MDFIC: variants seen among roughly 807,000 people sequenced by gnomAD.
The protein encoded by MDFIC is MyoD family inhibitor domain containing.
In MDFIC, 17 loss-of-function variants were observed where a neutral mutation model predicts 23.2. The ratio of observed to expected loss-of-function variants is 0.73; its 90% CI spans 0.50 to 1.10. The LOEUF (loss-of-function observed/expected upper bound fraction) is 1.10, where lower values mean the gene tolerates loss of function less well. Ranked by LOEUF, MDFIC falls within the 50% of genes least tolerant of loss-of-function variation. The pLI is 0.00. For synonymous variants in MDFIC, 120 were observed against 115.2 expected (o/e 1.04, Z -0.27); for missense variants, 356 against 316.6 (o/e 1.12, Z -0.95).
chr7:115,009,596 T>A (rs1228946946), intron 4 of MDFIC, among the ~76,000 whole-genome samples: 1 of 152,164 alleles, frequency 6.6e-6, no homozygotes, highest in Non-Finnish European at 1.5e-5. Flanking sequence ...CAGCACAGAG[T>A]TCCTGGGATC....
At chr7:114,944,640 C>T (rs1792610025) in intron 3 of MDFIC, among the ~76,000 whole-genome samples, 1 of 152,168 alleles carries the variant, frequency 6.6e-6, no homozygotes, top group African/African-American at 2.4e-5. Context: ...TTGGCCTTCC[C>T]CACAGAGTCA....
rs530647005 is a variant in MDFIC at position 114,926,624 on chromosome 7, T to C, written c.94+3497T>C. ...ACTCTTCTCTCTTGGGAGAGTCCTC[T>C]TGAGACTATTAGGCGGACTTTTCTT... is the stretch of plus-strand genomic sequence containing the variant. On this transcript the variant is annotated intron_variant, in intron 2 of 4. Coordinates refer to ENST00000393486, the MANE Select transcript of MDFIC (RefSeq NM_001166345.3). Among the ~76,000 whole-genome samples, 3 of 152,310 alleles carry C rather than the reference T, an allele frequency of 2.0e-5. No individual in the cohort carries two copies. The East Asian group carries it at 5.8e-4, about 29-fold the overall frequency.
At chr7:114,950,215 A>C (rs1792737254) in intron 3 of MDFIC, among the ~76,000 whole-genome samples, 1 of 152,190 alleles carries the variant, frequency 6.6e-6, no homozygotes, top group Non-Finnish European at 1.5e-5. Context: ...AATGCCTCTG[A>C]GAAAGGAAGG....
chr7:114,935,346 C>A (rs1165704531), intron 2 of MDFIC, among the ~76,000 whole-genome samples: 1 of 151,894 alleles, frequency 6.6e-6, no homozygotes, highest in Non-Finnish European at 1.5e-5. Flanking sequence ...AGCTAACATG[C>A]AAAAGTCTCA....
chr7:114,969,791 T>G (rs1563145152), intron 3 of MDFIC, among the ~76,000 whole-genome samples: 1 of 152,156 alleles, frequency 6.6e-6, no homozygotes. Flanking sequence ...TATGTACTTC[T>G]CTCCCTAATG....
intron 3 of MDFIC, among the ~76,000 whole-genome samples, chr7:114,978,908 A>G (rs1793366828): frequency 1.3e-5 from 2 of 152,134 alleles, no homozygotes; most frequent in African/African-American, 2.4e-5. Flanking sequence ...TTATTAAAGA[A>G]ATTATCTTGT....
intron 3 of MDFIC, among the ~76,000 whole-genome samples, chr7:114,959,395 T>G (rs1182127031): frequency 6.6e-6 from 1 of 152,170 alleles, no homozygotes; most frequent in Non-Finnish European, 1.5e-5. Flanking sequence ...TCCTCTTAAT[T>G]GAAGGTGTAG....
At chr7:114,929,088 T>TA (rs1792256606) in intron 2 of MDFIC, among the ~76,000 whole-genome samples, 1 of 151,116 alleles carries the variant, frequency 6.6e-6, no homozygotes, top group African/African-American at 2.4e-5. Context: ...AATATAGATC[T>TA]ATCTATCTAT....
At chr7:115,014,200 A>G in intron 4 of MDFIC, 3 of 985,384 alleles carry the variant, frequency 3.0e-6, no homozygotes, top group South Asian at 9.4e-5. Flanking sequence ...GCAGAGAAAC[A>G]GAGGGGTGTT....
At chr7:114,937,568 A>G (rs558660054) in intron 2 of MDFIC, among the ~76,000 whole-genome samples, 1 of 152,334 alleles carries the variant, frequency 6.6e-6, no homozygotes, top group Admixed American at 6.5e-5. Context: ...TTTCCTGATG[A>G]AGAGGATGAA....
At chr7:114,936,155 C>T (rs528247864) in intron 2 of MDFIC, among the ~76,000 whole-genome samples, 6 of 152,210 alleles carry the variant, frequency 3.9e-5, no homozygotes, top group African/African-American at 9.6e-5. Flanking sequence ...ACCCAGGCAC[C>T]CTGATTTTTG....
rs116598767 is a variant in MDFIC at position 115,000,184 on chromosome 7, A to C, written c.494-15504A>C. ...TTTACTGTACCTTTTCTATGTTTAC[A>C]TATACAAATACTTACCATTGTGTTG... On this transcript the variant is annotated intron_variant, in intron 4 of 4. Coordinates refer to ENST00000393486, the MANE Select transcript of MDFIC (RefSeq NM_001166345.3). 4.7e-3 allele frequency among the ~76,000 whole-genome samples: 718 copies of C among 152,326 alleles called. 4 individuals are homozygous for C. Among genetic ancestry groups the C allele is most frequent in the African/African-American group, 0.016 (650 of 41,582 alleles).
chr7:115,009,558 C>G (rs1274824421), intron 4 of MDFIC, among the ~76,000 whole-genome samples: 2 of 152,210 alleles, frequency 1.3e-5, no homozygotes, highest in Non-Finnish European at 2.9e-5. Context: ...CTTGTTTTTA[C>G]AAAGCTAATC....
At chr7:114,962,838 C>G (rs1793019430) in intron 3 of MDFIC, among the ~76,000 whole-genome samples, 1 of 152,196 alleles carries the variant, frequency 6.6e-6, no homozygotes, top group Non-Finnish European at 1.5e-5. Context: ...GATTCCCTCA[C>G]AACTGTTCAT....
At chr7:114,927,205 G>A (rs1255390257) in intron 2 of MDFIC, among the ~76,000 whole-genome samples, 1 of 152,120 alleles carries the variant, frequency 6.6e-6, no homozygotes, top group Non-Finnish European at 1.5e-5. Context: ...GGATGTAAGA[G>A]CCAAGAATCT....
At chr7:115,002,549 C>G (rs941511790) in intron 4 of MDFIC, among the ~76,000 whole-genome samples, 62 of 152,220 alleles carry the variant, frequency 4.1e-4, no homozygotes, top group Admixed American at 3.3e-3. Context: ...CTGCCCTCTT[C>G]CATTTTCCAC....
rs1793386723 is a variant in MDFIC, at chr7:114,979,786, G to T, written c.493+5G>T. ...AGACAGGCTCTTCACCTGAAGGTAA[G>T]TTTGAGATATATGTAGATTTTATTT... On this transcript the variant is annotated splice_donor_5th_base_variant and intron_variant, in intron 4 of 4. Transcript: ENST00000393486. 6.2e-7 allele frequency: 1 copy of T among 1,612,062 alleles called. No homozygotes were observed. The highest frequency in any genetic ancestry group is 1.7e-5 in the Admixed American group (1 of 59,816).
chr7:114,942,822 T>C (rs1304711527), intron 3 of MDFIC, among the ~76,000 whole-genome samples: 1 of 152,218 alleles, frequency 6.6e-6, no homozygotes, highest in South Asian at 2.1e-4. Flanking sequence ...TCACTGTTTG[T>C]TAAAAAAATT....
chr7:114,986,293 G>T (rs1039376267), intron 4 of MDFIC, among the ~76,000 whole-genome samples: 1 of 151,776 alleles, frequency 6.6e-6, no homozygotes, highest in African/African-American at 2.4e-5. Flanking sequence ...ATTTTCTCTT[G>T]CATTTATAAC....
Sources: gnomAD v4.1 joint callset for allele counts (sites outside exome capture counted in the v4.1 genomes callset) on GRCh38, gnomAD v4.1.1 for gene constraint, MANE v1.5 for transcripts, NCBI Gene and HGNC (gene_info 2026-07-23, HGNC 2026-07-21) for gene names.